Variants in TRIM2 observed in about 807,000 individuals in gnomAD.
TRIM2 encodes the protein tripartite motif-containing protein 2.
In TRIM2, 20 loss-of-function variants were observed where a neutral mutation model predicts 75.2. The ratio of observed to expected loss-of-function variants is 0.27; its 90% confidence interval spans 0.19 to 0.39. The LOEUF is 0.39. TRIM2 is among the 10% of genes least tolerant of loss of function. The pLI is 1.00. For synonymous variants in TRIM2, 373 were observed against 388.3 expected, an observed-to-expected ratio of 0.96 and a Z score of 0.46; for missense variants, 660 against 990.8, an observed-to-expected ratio of 0.67 and a Z score of 4.48.
At chr4:153,166,073 T>C (rs912628433) in intron 1 of TRIM2, among the ~76,000 whole-genome samples, 2 of 152,182 alleles carry the variant, frequency 1.3e-5, no homozygotes, top group African/African-American at 4.8e-5. Flanking sequence ...AATCTTTTCT[T>C]TTCAAACTTT....
chr4:153,317,883 C>T (rs1362438055), intron 8 of TRIM2, among the ~76,000 whole-genome samples: 1 of 152,052 alleles, frequency 6.6e-6, no homozygotes, highest in Non-Finnish European at 1.5e-5. Flanking sequence ...TTGCTTGAGC[C>T]CAGAAGTTAG....
Position 153,338,154 on chromosome 4 carries a change from GTA to G in TRIM2, c.*3190_*3191del, listed in dbSNP as rs1290342486. 1 of 985,670 alleles carries G rather than the reference GTA, an allele frequency of 1.0e-6. No individual in the cohort carries two copies. Among genetic ancestry groups the G allele is most frequent in the Non-Finnish European group, 1.2e-6 (1 of 829,938 alleles). 61.1% of individuals were successfully genotyped at this position (985,670 alleles called of 1,614,324 possible). A position where few individuals can be genotyped will look rare whatever the true frequency, so the allele number is the denominator to read the frequency against. ...TTGCTTCCACTACTAAATATACAGG[GTA>G]TGTCCTAACATGGAGTTAACTGGAA... On this transcript the variant is annotated 3_prime_UTR_variant, in exon 12 of 12. Transcript: ENST00000338700.
chr4:153,174,773 T>G (rs1163707000), intron 1 of TRIM2, among the ~76,000 whole-genome samples: 1 of 152,242 alleles, frequency 6.6e-6, no homozygotes, highest in Non-Finnish European at 1.5e-5. Flanking sequence ...AAAAGGTCAT[T>G]AACAAGCCTA....
chr4:153,193,292 A>G (rs564494092), intron 1 of TRIM2, among the ~76,000 whole-genome samples: 1 of 150,838 alleles, frequency 6.6e-6, no homozygotes, highest in Admixed American at 6.6e-5. Context: ...CCACCACGCC[A>G]GGCTAATTTT....
chr4:153,165,603 A>G (rs1416657686), intron 1 of TRIM2, among the ~76,000 whole-genome samples: 1 of 152,070 alleles, frequency 6.6e-6, no homozygotes, highest in Admixed American at 6.6e-5. Flanking sequence ...AAAGTCTCAA[A>G]ATTTATTTAT....
chr4:153,189,946 A>G (rs1441955010), intron 1 of TRIM2, among the ~76,000 whole-genome samples: 3 of 152,238 alleles, frequency 2.0e-5, no homozygotes, highest in African/African-American at 7.2e-5. Flanking sequence ...TAGGGGTTCA[A>G]CTTATCCTAA....
rs769502934 is a variant in TRIM2 at position 153,328,480 on chromosome 4, G to C, written c.2023-50G>C. 2.4e-5 allele frequency: 36 copies of C among 1,513,840 alleles called. No individual in the cohort carries two copies. The highest frequency in any genetic ancestry group is 3.1e-5 in the Non-Finnish European group (34 of 1,114,592). 93.8% of individuals were successfully genotyped at this position (1,513,840 alleles called of 1,614,324 possible). ...GATATTTTTTTAATCCATCATGTTG[G>C]TTCAAGTATTTTGATGTAAAACAAA... On this transcript the variant is annotated intron_variant, in intron 10 of 11. Transcript: ENST00000338700.
chr4:153,265,254 A>C (rs1461975700), intron 1 of TRIM2, among the ~76,000 whole-genome samples: 1 of 151,994 alleles, frequency 6.6e-6, no homozygotes, highest in Non-Finnish European at 1.5e-5. Context: ...GGTACTATGA[A>C]AAATTTCAAA....
chr4:153,250,949 A>G (rs1458426875), intron 1 of TRIM2, among the ~76,000 whole-genome samples: 1 of 152,206 alleles, frequency 6.6e-6, no homozygotes, highest in Non-Finnish European at 1.5e-5. Context: ...ACCACCTGGC[A>G]CACAATCACT....
chr4:153,260,698 CCCCACACA>C (rs1753250378), intron 1 of TRIM2, among the ~76,000 whole-genome samples: 1 of 75,618 alleles, frequency 1.3e-5, no homozygotes, highest in African/African-American at 4.0e-5. Context: ...CCACCCCCCC[CCCCACACA>C]CACACACACA....
At chr4:153,251,023 G>C (rs1298110334) in intron 1 of TRIM2, among the ~76,000 whole-genome samples, 2 of 152,208 alleles carry the variant, frequency 1.3e-5, no homozygotes, top group Non-Finnish European at 2.9e-5. Flanking sequence ...GAATTCTTGG[G>C]TTGGAACTGG....
At chr4:153,225,341 T>C (rs1198499298) in intron 1 of TRIM2, among the ~76,000 whole-genome samples, 11 of 152,240 alleles carry the variant, frequency 7.2e-5, no homozygotes. Flanking sequence ...CTACTAATGA[T>C]GAAGACAGGA....
chr4:153,237,877 A>T (rs1333340942), intron 1 of TRIM2, among the ~76,000 whole-genome samples: 1 of 152,118 alleles, frequency 6.6e-6, no homozygotes, highest in Non-Finnish European at 1.5e-5. Flanking sequence ...CAGAAGATCC[A>T]TTGGTAGTAT....
intron 8 of TRIM2, among the ~76,000 whole-genome samples, chr4:153,317,655 GAAAA>G (rs11316229): frequency 7.7e-6 from 1 of 130,362 alleles, no homozygotes; most frequent in East Asian, 2.6e-4. Flanking sequence ...GTCTCAAAAA[GAAAA>G]AAAAAAAAAA....
chr4:153,261,057 T>C (rs1753439261), intron 1 of TRIM2, among the ~76,000 whole-genome samples: 3 of 152,158 alleles, frequency 2.0e-5, no homozygotes, highest in African/African-American at 7.2e-5. Context: ...AGGATTTCCT[T>C]TCTATAAATG....
chr4:153,172,345 G>GC (rs1730973819), intron 1 of TRIM2, among the ~76,000 whole-genome samples: 1 of 151,942 alleles, frequency 6.6e-6, no homozygotes, highest in African/African-American at 2.4e-5. Flanking sequence ...CCGCCACCGC[G>GC]CCCGGCTAAT....
chr4:153,168,682 G>GAA (rs34522428), intron 1 of TRIM2, among the ~76,000 whole-genome samples: 30 of 129,432 alleles, frequency 2.3e-4, no homozygotes, highest in Non-Finnish European at 2.6e-4. Context: ...AAGTTTTTCT[G>GAA]AAAAAAAAAA....
At chr4:153,290,078 A>T (rs2150122415) in intron 3 of TRIM2, among the ~76,000 whole-genome samples, 1 of 152,354 alleles carries the variant, frequency 6.6e-6, no homozygotes, top group South Asian at 2.1e-4. Context: ...TGGTAAAAGT[A>T]AACCACCTCT....
At chr4:153,177,030 C>G (rs558654066) in intron 1 of TRIM2, among the ~76,000 whole-genome samples, 1 of 152,330 alleles carries the variant, frequency 6.6e-6, no homozygotes, top group African/African-American at 2.4e-5. Context: ...TCCAGATGAG[C>G]AGTCTAGTTC....
Sources: gnomAD v4.1 joint callset for allele counts (sites outside exome capture counted in the v4.1 genomes callset) on GRCh38, gnomAD v4.1.1 for gene constraint, MANE v1.5 for transcripts, NCBI Gene and HGNC (gene_info 2026-07-23, HGNC 2026-07-21) for gene names.